TMEM185A: variants seen among roughly 807,000 people sequenced by gnomAD.
TMEM185A encodes family with sequence similarity 11, member A.
Under a neutral mutation model 25.0 loss-of-function variants are expected in TMEM185A, and 9 were observed. That is an observed-to-expected ratio of 0.36 (90% confidence interval 0.22 to 0.63). The LOEUF is 0.63. TMEM185A is among the 20% of genes least tolerant of loss of function. The probability of loss-of-function intolerance (pLI) is 0.68; values close to 1 mark genes in which losing one functional copy is unlikely to be tolerated. For missense variants in TMEM185A, 103 were observed against 237.4 expected, an observed-to-expected ratio of 0.43 and a Z score of 3.72; for synonymous variants, 45 against 93.5, an observed-to-expected ratio of 0.48 and a Z score of 2.99.
At position 149,617,479 on chromosome X, in the gene TMEM185A, C is replaced by CA. The variant is rs782553085; in HGVS notation, c.39-6017dup. Among the ~76,000 whole-genome samples the CA allele has an allele frequency of 1.1e-4, 12 of 111,335 alleles. No homozygotes were observed. In the South Asian group the frequency reaches 4.6e-3, roughly 43 times the overall value. On this transcript the variant is annotated intron_variant, in intron 1 of 6. Transcript: ENST00000600449. ...GGCATACAAAAAGCAAATAAGCACA[C>CA]AAAAAATACTCAGTATTTTCAGATG...
intron 1 of TMEM185A, among the ~76,000 whole-genome samples, chrX:149,620,297 C>A (rs2090133202): frequency 8.9e-6 from 1 of 112,068 alleles, no homozygotes; most frequent in Admixed American, 9.4e-5. Context: ...AAATGATACT[C>A]CATGAAAACA....
chrX:149,611,610 A>G (rs782708055), intron 1 of TMEM185A, 147 bp from the exon 2 acceptor site: 207 of 515,644 alleles, frequency 4.0e-4, no homozygotes, highest in Non-Finnish European at 1.5e-5. Context: ...TGGGGCAGAC[A>G]TAATGTGTTG....
intron 1 of TMEM185A, among the ~76,000 whole-genome samples, chrX:149,612,225 T>C (rs1052785047): frequency 1.8e-5 from 2 of 112,191 alleles, no homozygotes; most frequent in African/African-American, 6.5e-5. Context: ...TTTTCAGACA[T>C]TGACAACAGG....
intron 1 of TMEM185A, among the ~76,000 whole-genome samples, chrX:149,621,307 A>G (rs2090139040): frequency 8.9e-6 from 1 of 111,882 alleles, no homozygotes; most frequent in Non-Finnish European, 1.9e-5. Flanking sequence ...GAGTAGTGGA[A>G]CTAAAGAAAA....
intron 4 of TMEM185A, 27 bp downstream of exon 4, chrX:149,603,956 ACTTT>A (rs2090031446): frequency 9.7e-6 from 11 of 1,137,203 alleles, no homozygotes; most frequent in Middle Eastern, 5.5e-4. Flanking sequence ...ATAAAAAAGA[ACTTT>A]ATTTAAGGAT....
intron 2 of TMEM185A, 107 bp downstream of exon 2, chrX:149,611,180 C>A (rs1557354446): frequency 1.6e-5 from 12 of 758,271 alleles, no homozygotes; most frequent in East Asian, 1.3e-4. Flanking sequence ...GTTCTAAGAC[C>A]CCAGATAGGT....
rs781961397 is a variant in TMEM185A, at chrX:149,622,816, G to A, written c.38+8727C>T. On this transcript the variant is annotated intron_variant, in intron 1 of 6. Coordinates refer to ENST00000600449, the MANE Select transcript of TMEM185A (RefSeq NM_032508.4). ...GAGATGGGAAGAGAAGTGGAATCTG[G>A]GCAACAAGTTGGGAATAAGGAATTC... Among the ~76,000 whole-genome samples, 7 of 112,051 alleles carry A rather than the reference G, an allele frequency of 6.2e-5. No individual in the cohort carries two copies. The South Asian group carries it at 2.2e-3, about 36-fold the overall frequency.
rs1557353174 is a variant in TMEM185A, at chrX:149,605,357, G to GGCCTCCCATGTCACTTTCTATA, written c.424-1309_424-1288dup. Among the ~76,000 whole-genome samples the GGCCTCCCATGTCACTTTCTATA allele has an allele frequency of 7.9e-4, 52 of 65,530 alleles. 1 individual carries two copies. The highest frequency in any genetic ancestry group is 1.1e-3 in the Non-Finnish European group (41 of 37,206). 56.9% of individuals were successfully genotyped at this position (65,530 alleles called of 115,157 possible). Reference sequence around the variant, plus strand: ...TATGGCCTCCCATGTCACTTTCTATGGCCTCCCATGTCACTTTCTATAGCC... The same window carrying GGCCTCCCATGTCACTTTCTATA: ...TATGGCCTCCCATGTCACTTTCTATGGCCTCCCATGTCACTTTCTATAGCCTCCCATGTCACTTTCTATAGCC... On this transcript the variant is annotated intron_variant, in intron 3 of 6. Transcript: ENST00000600449.
chrX:149,621,604 T>C (rs1557355535), intron 1 of TMEM185A, among the ~76,000 whole-genome samples: 4 of 111,855 alleles, frequency 3.6e-5, no homozygotes, highest in African/African-American at 1.3e-4. Context: ...GCATAACCCT[T>C]ACAATTCTGG....
chrX:149,630,868 C>T (rs1391888378), intron 1 of TMEM185A, among the ~76,000 whole-genome samples: 1 of 111,607 alleles, frequency 9.0e-6, no homozygotes, highest in Non-Finnish European at 1.9e-5. Flanking sequence ...ACACTGTCCA[C>T]TGGGTGTTCC....
intron 1 of TMEM185A, among the ~76,000 whole-genome samples, chrX:149,616,625 T>A (rs782395232): frequency 8.9e-6 from 1 of 112,017 alleles, no homozygotes; most frequent in Non-Finnish European, 1.9e-5. Context: ...GATAACCCCA[T>A]CATCTCAAGA....
intron 1 of TMEM185A, among the ~76,000 whole-genome samples, chrX:149,614,350 T>C (rs1249149902): frequency 9.0e-6 from 1 of 111,340 alleles, no homozygotes; most frequent in African/African-American, 3.3e-5. Flanking sequence ...ATGAAGAAAA[T>C]TGAAAAATAT....
intron 1 of TMEM185A, among the ~76,000 whole-genome samples, chrX:149,628,950 C>T (rs2090177396): frequency 8.9e-6 from 1 of 111,928 alleles, no homozygotes; most frequent in African/African-American, 3.3e-5. Flanking sequence ...GGTACTATTC[C>T]AAGTATGCAG....
At chrX:149,623,446 T>C (rs183264337) in intron 1 of TMEM185A, among the ~76,000 whole-genome samples, 1 of 112,063 alleles carries the variant, frequency 8.9e-6, no homozygotes, top group Non-Finnish European at 1.9e-5. Flanking sequence ...AGACATTTTA[T>C]ACAATTCATA....
At chrX:149,610,627 G>A (rs185530294) in intron 2 of TMEM185A, among the ~76,000 whole-genome samples, 2 of 109,871 alleles carry the variant, frequency 1.8e-5, no homozygotes, top group African/African-American at 6.6e-5. Context: ...AAAGACTCTC[G>A]CAGGTCCCAG....
At chrX:149,608,329 C>T (rs2090062889) in intron 3 of TMEM185A, 2 of 190,977 alleles carry the variant, frequency 1.0e-5, no homozygotes, top group African/African-American at 6.1e-5. Context: ...CTTTTGAAAA[C>T]ATTCTTTTTT....
intron 3 of TMEM185A, among the ~76,000 whole-genome samples, chrX:149,607,686 T>C (rs782674014): frequency 7.1e-5 from 8 of 112,545 alleles, no homozygotes; most frequent in Admixed American, 2.8e-4. Flanking sequence ...TAAATGTTTA[T>C]TGAATGAATA....
chrX:149,602,262 ATT>A (rs2090021633), intron 4 of TMEM185A: 1 of 111,611 alleles, frequency 9.0e-6, no homozygotes, highest in African/African-American at 3.3e-5. Flanking sequence ...CAAATTTATG[ATT>A]TCTCTCTCGT....
At chrX:149,621,074 C>A (rs1250712154) in intron 1 of TMEM185A, among the ~76,000 whole-genome samples, 2 of 112,142 alleles carry the variant, frequency 1.8e-5, no homozygotes, top group Non-Finnish European at 3.8e-5. Context: ...GACTTGAAAA[C>A]AGACTATTTA....
Sources: gnomAD v4.1 joint callset for allele counts (sites outside exome capture counted in the v4.1 genomes callset) on GRCh38, gnomAD v4.1.1 for gene constraint, MANE v1.5 for transcripts, NCBI Gene and HGNC (gene_info 2026-07-23, HGNC 2026-07-21) for gene names.